The following MIB1 variants were observed in gnomAD, a reference collection of about 807,000 sequenced individuals.
MIB1 encodes MIB E3 ubiquitin protein ligase 1.
A neutral mutation model predicts 124.5 loss-of-function variants in MIB1; 278 were observed. That is an observed-to-expected ratio of 2.23 (90% CI 2.02 to 2.47). MIB1 has a LOEUF of 2.47. Among genes scored for constraint, MIB1 ranks in the 30% most tolerant of loss-of-function variants. The pLI is 0.00. For missense variants in MIB1, 957 were observed against 1,254.4 expected (o/e 0.76, Z 3.58); for synonymous variants, 446 against 429.4 (o/e 1.04, Z -0.48).
intron 1 of MIB1, among the ~76,000 whole-genome samples, chr18:21,749,231 C>T (rs886729027): frequency 6.6e-6 from 1 of 152,080 alleles, no homozygotes; most frequent in Admixed American, 6.6e-5. Context: ...ATATGTATTT[C>T]CATATAGGTA....
chr18:21,755,998 TC>T (rs1297506330), intron 1 of MIB1, among the ~76,000 whole-genome samples: 1 of 152,194 alleles, frequency 6.6e-6, no homozygotes, highest in East Asian at 1.9e-4. Flanking sequence ...TGATAATAAA[TC>T]CCGAGAGCTT....
chr18:21,811,517 A>G (rs1003858642), intron 10 of MIB1, among the ~76,000 whole-genome samples: 1 of 152,186 alleles, frequency 6.6e-6, no homozygotes, highest in East Asian at 1.9e-4. Context: ...ATGTGCTTAT[A>G]ATGGTAGATC....
At chr18:21,793,364 G>A (rs551309946) in intron 7 of MIB1, among the ~76,000 whole-genome samples, 2 of 152,246 alleles carry the variant, frequency 1.3e-5, no homozygotes, top group African/African-American at 2.4e-5. Flanking sequence ...TTAGTAGGAC[G>A]GAGACAGTAG....
chr18:21,773,648 G>T lies in MIB1; in HGVS notation c.556G>T (p.Ala186Ser), dbSNP rs1485444190. 4.3e-6 allele frequency: 7 copies of T among 1,609,734 alleles called. No individual in the cohort carries two copies. The highest frequency in any genetic ancestry group is 5.9e-6 in the Non-Finnish European group (7 of 1,178,342). The part of the protein sequence containing the change: ...GKVTEIQDWS[A>S]SSPHSAAYVL... ...GGTAACAGAAATCCAGGACTGGAGT[G>T]CATCAAGCCCACATAGCGCAGCATA... is the stretch of plus-strand genomic sequence containing the variant. The change falls in exon 4 of 21, where the codon GCA (alanine) becomes TCA (serine). Residue 186 changes from alanine (A) to serine (S), a missense_variant. Ala to Ser is a moderately conservative substitution (Grantham distance 99). Transcript: ENST00000261537.
chr18:21,738,305 T>C (rs2040804624), upstream of MIB1, among the ~76,000 whole-genome samples: 1 of 152,052 alleles, frequency 6.6e-6, no homozygotes, highest in South Asian at 2.1e-4. Flanking sequence ...ACATGGAAAC[T>C]GAAAAACCTG....
At chr18:21,822,220 T>C (rs897757521) in intron 12 of MIB1, among the ~76,000 whole-genome samples, 1 of 152,240 alleles carries the variant, frequency 6.6e-6, no homozygotes, top group Non-Finnish European at 1.5e-5. Flanking sequence ...ATTGAGGGAA[T>C]ATGAAATCAT....
In MIB1 at chr18:21,860,398, G is replaced by A. The variant is rs539200852; in HGVS notation, c.2880+1752G>A. Among the ~76,000 whole-genome samples, 111 of 152,104 alleles carry A rather than the reference G, an allele frequency of 7.3e-4. 4 individuals are homozygous for A. The South Asian group carries it at 0.022, about 30-fold the overall frequency. On this transcript the variant is annotated intron_variant, in intron 20 of 20. Transcript: ENST00000261537. The stretch of plus-strand genomic sequence containing the variant: ...TTACAGGCGTGAGTCACTGTGCCTG[G>A]CTGTTCTTTACGTCTTATATATATC...
At chr18:21,853,490 A>G (rs1432307332) in intron 18 of MIB1, among the ~76,000 whole-genome samples, 5 of 152,142 alleles carry the variant, frequency 3.3e-5, no homozygotes, top group Admixed American at 3.3e-4. Context: ...TTCCACACAT[A>G]ATAGAAATTT....
At chr18:21,843,009 C>A in intron 13 of MIB1, 122 bp from the exon 14 acceptor site, 1 of 609,918 alleles carries the variant, frequency 1.6e-6, no homozygotes, top group Non-Finnish European at 2.7e-6. Flanking sequence ...AACATTGCAG[C>A]AGCTGAAGGA....
chr18:21,791,629 GT>G (rs1348393796), intron 7 of MIB1, 72 bp downstream of exon 7: 9 of 1,259,610 alleles, frequency 7.1e-6, no homozygotes, highest in Non-Finnish European at 9.9e-6. Context: ...GTAAATTAAT[GT>G]AGAAATTAAA....
chr18:21,798,987 G>T (rs2041617966), intron 8 of MIB1, among the ~76,000 whole-genome samples: 1 of 151,980 alleles, frequency 6.6e-6, no homozygotes, highest in Non-Finnish European at 1.5e-5. Flanking sequence ...GCTGTAATTT[G>T]CTAGTATGCT....
intron 7 of MIB1, among the ~76,000 whole-genome samples, chr18:21,791,805 G>A (rs777374504): frequency 2.6e-5 from 4 of 152,096 alleles, no homozygotes; most frequent in Non-Finnish European, 5.9e-5. Context: ...AATGTTGTGT[G>A]GTGCAAGTCA....
intron 11 of MIB1, among the ~76,000 whole-genome samples, chr18:21,816,279 G>T (rs2041829139): frequency 6.6e-6 from 1 of 152,064 alleles, no homozygotes; most frequent in Admixed American, 6.6e-5. Context: ...TTTACAGTAG[G>T]ATCTAATTTT....
At chr18:21,705,312 G>T (rs925705550) in intron 1 of MIB1, among the ~76,000 whole-genome samples, 2 of 152,234 alleles carry the variant, frequency 1.3e-5, no homozygotes, top group Admixed American at 6.5e-5. Flanking sequence ...CTTTTTAGTT[G>T]CTAAGTGTCA....
intron 3 of MIB1, among the ~76,000 whole-genome samples, chr18:21,770,841 T>C (rs2041216916): frequency 6.6e-6 from 1 of 152,228 alleles, no homozygotes; most frequent in Non-Finnish European, 1.5e-5. Context: ...TACCATTTAT[T>C]TGTTGAAGAA....
intron 8 of MIB1, among the ~76,000 whole-genome samples, chr18:21,799,577 AATT>A (rs1023068519): frequency 1.3e-5 from 2 of 152,000 alleles, no homozygotes. Flanking sequence ...TTAAATCTTG[AATT>A]ATTATTAGTA....
intron 6 of MIB1, among the ~76,000 whole-genome samples, chr18:21,780,744 G>A (rs1894582550): frequency 2.6e-5 from 4 of 151,950 alleles, no homozygotes; most frequent in Admixed American, 1.3e-4. Flanking sequence ...CACCATACCC[G>A]GCCCACATTT....
intron 1 of MIB1, among the ~76,000 whole-genome samples, chr18:21,760,757 G>T (rs965581411): frequency 1.3e-5 from 2 of 152,144 alleles, no homozygotes; most frequent in East Asian, 1.9e-4. Flanking sequence ...AAACTGGACA[G>T]TTTTTTTCTG....
At chr18:21,801,325 A>G (rs747576329) in intron 9 of MIB1, among the ~76,000 whole-genome samples, 3 of 152,092 alleles carry the variant, frequency 2.0e-5, no homozygotes, top group Non-Finnish European at 4.4e-5. Context: ...AGACACACAC[A>G]TACTGTTTCT....
Sources: gnomAD v4.1 joint callset for allele counts (sites outside exome capture counted in the v4.1 genomes callset) on GRCh38, gnomAD v4.1.1 for gene constraint, MANE v1.5 for transcripts, NCBI Gene and HGNC (gene_info 2026-07-23, HGNC 2026-07-21) for gene names.